The following NRG2 variants were observed in gnomAD, a reference collection of about 807,000 sequenced individuals.
The protein encoded by NRG2 is pro-neuregulin-2, membrane-bound isoform.
A neutral mutation model predicts 73.9 loss-of-function variants in NRG2; 27 were observed. The observed-to-expected ratio is 0.37, with a 90% CI of 0.27 to 0.50. The LOEUF is 0.50. Among genes scored for constraint, NRG2 ranks in the 20% least tolerant of loss-of-function variants. The pLI, the probability that NRG2 is intolerant of heterozygous loss-of-function variation, is 0.96. For synonymous variants in NRG2, 532 were observed against 541.0 expected (o/e 0.98, Z 0.23); for missense variants, 1,126 against 1,210.1 (o/e 0.93, Z 1.03).
At chr5:139,942,260 C>G (rs923774349) in intron 1 of NRG2, among the ~76,000 whole-genome samples, 1 of 152,180 alleles carries the variant, frequency 6.6e-6, no homozygotes, top group Non-Finnish European at 1.5e-5. Flanking sequence ...GTTGACACCA[C>G]TGGTTCAATA....
chr5:139,865,279 CCGT>C lies in NRG2; in HGVS notation c.1189+267_1189+269del, dbSNP rs1201507000. 14 of 952,380 alleles carry C rather than the reference CCGT, an allele frequency of 1.5e-5. No individual in the cohort carries two copies. Among genetic ancestry groups the C allele is most frequent in the Non-Finnish European group, 2.4e-5 (14 of 591,290 alleles). The allele number at this position is 952,380 out of a possible 1,614,324, so 59.0% of individuals were successfully genotyped here. A position where few individuals can be genotyped will look rare whatever the true frequency, so the allele number is the denominator to read the frequency against. Reference sequence around the variant, plus strand: ...CCAATGCCAGCTGGGTTCCTTGCCACCGTTACCATTTGTATTGGCCTTGCCACT... The same window carrying C: ...CCAATGCCAGCTGGGTTCCTTGCCACTACCATTTGTATTGGCCTTGCCACT... On this transcript the variant is annotated intron_variant, in intron 5 of 9. Coordinates refer to ENST00000361474, the MANE Select transcript of NRG2 (RefSeq NM_004883.3). The surrounding 1 kb of genome is among the most constrained non-coding windows in gnomAD (Gnocchi z 5.2).
At chr5:140,006,074 AG>A (rs138526357) in intron 1 of NRG2, among the ~76,000 whole-genome samples, 479 of 152,316 alleles carry the variant, frequency 3.1e-3, no homozygotes, top group Non-Finnish European at 5.8e-3. Context: ...CTGGGGCAAA[AG>A]AAAGCATTAA....
chr5:139,976,262 A>G (rs1446157892), intron 1 of NRG2, among the ~76,000 whole-genome samples: 1 of 152,228 alleles, frequency 6.6e-6, no homozygotes, highest in Non-Finnish European at 1.5e-5. Flanking sequence ...AATTCTTTGT[A>G]TAAGGCTTGT....
intron 1 of NRG2, among the ~76,000 whole-genome samples, chr5:139,966,804 GA>G (rs1247595770): frequency 6.6e-6 from 1 of 152,102 alleles, no homozygotes. Context: ...AAAGGTAAAA[GA>G]ATCTAAGCTT....
intron 1 of NRG2, among the ~76,000 whole-genome samples, chr5:140,012,540 C>T (rs939038854): frequency 3.9e-5 from 6 of 152,202 alleles, no homozygotes; most frequent in Non-Finnish European, 7.3e-5. Context: ...CTCTCATGCT[C>T]ATTCATACTT....
At position 140,027,151 on chromosome 5, in the gene NRG2, C is replaced by A. The variant is rs570789111; in HGVS notation, c.700+15219G>T. On this transcript the variant is annotated intron_variant, in intron 1 of 9. Coordinates refer to ENST00000361474, the MANE Select transcript of NRG2 (RefSeq NM_004883.3). Reference sequence around the variant, plus strand: ...ATGCTCCACTATGCCTGGCTAATTTCAAAAAAAAAAATTGTAGAGATGAGG... The same window carrying A: ...ATGCTCCACTATGCCTGGCTAATTTAAAAAAAAAAAATTGTAGAGATGAGG... Among the ~76,000 whole-genome samples, 10 of 146,622 alleles carry A rather than the reference C, an allele frequency of 6.8e-5. 1 individual carries two copies. The South Asian group carries it at 2.1e-3, about 31-fold the overall frequency.
chr5:139,958,768 G>A (rs1754833503), intron 1 of NRG2, among the ~76,000 whole-genome samples: 1 of 152,094 alleles, frequency 6.6e-6, no homozygotes, highest in Non-Finnish European at 1.5e-5. Flanking sequence ...TGCCACCCCT[G>A]TCCACCACTC....
chr5:139,901,620 T>C (rs997399934), intron 1 of NRG2, among the ~76,000 whole-genome samples: 8 of 152,354 alleles, frequency 5.3e-5, no homozygotes, highest in African/African-American at 1.9e-4. Flanking sequence ...GATTTATCTG[T>C]GTCCAGGGAA....
At chr5:139,992,652 A>G (rs1757722365) in intron 1 of NRG2, among the ~76,000 whole-genome samples, 1 of 152,218 alleles carries the variant, frequency 6.6e-6, no homozygotes, top group African/African-American at 2.4e-5. Context: ...ATTAGAAAAA[A>G]CCTTTTTCAT....
chr5:140,024,627 C>G (rs1337333859), intron 1 of NRG2, among the ~76,000 whole-genome samples: 1 of 152,162 alleles, frequency 6.6e-6, no homozygotes, highest in Non-Finnish European at 1.5e-5. Flanking sequence ...TTGATCAACT[C>G]TTCATCATTT....
intron 1 of NRG2, among the ~76,000 whole-genome samples, chr5:139,938,175 CTAAGCTG>C (rs1280648064): frequency 6.6e-6 from 1 of 152,178 alleles, no homozygotes; most frequent in African/African-American, 2.4e-5. Context: ...AGACTCAATA[CTAAGCTG>C]TAACTTTTCT....
Position 139,852,073 on chromosome 5 carries a change from C to T in NRG2, c.1545-242G>A, listed in dbSNP as rs1761472384. On this transcript the variant is annotated intron_variant, in intron 8 of 9. Transcript: ENST00000361474. This position sits in a 1 kb window ranked among gnomAD's most constrained non-coding sequence, Gnocchi z 4.4. Reference sequence around the variant, plus strand: ...CAGAGACCCATTTCTTTCCTTCCTGCAACCAGCCTCCCCCCAGCCTTACCT... The same window carrying T: ...CAGAGACCCATTTCTTTCCTTCCTGTAACCAGCCTCCCCCCAGCCTTACCT... Among the ~76,000 whole-genome samples, 1 of 152,206 alleles carries T rather than the reference C, an allele frequency of 6.6e-6. No homozygotes were observed. Among genetic ancestry groups the T allele is most frequent in the South Asian group, 2.1e-4 (1 of 4,822 alleles).
At chr5:139,858,530 G>A (rs1387214367) in intron 5 of NRG2, among the ~76,000 whole-genome samples, 2 of 152,220 alleles carry the variant, frequency 1.3e-5, no homozygotes, top group African/African-American at 4.8e-5. Context: ...GCCCAGGAGG[G>A]CAGGGACTGT....
intron 1 of NRG2, among the ~76,000 whole-genome samples, chr5:139,891,986 C>T (rs1764238705): frequency 6.6e-6 from 1 of 152,198 alleles, no homozygotes; most frequent in Non-Finnish European, 1.5e-5. Context: ...TTTTATAGCT[C>T]TTAACGGTTC....
At chr5:139,917,877 A>C (rs1751382381) in intron 1 of NRG2, among the ~76,000 whole-genome samples, 1 of 152,198 alleles carries the variant, frequency 6.6e-6, no homozygotes, top group Non-Finnish European at 1.5e-5. Flanking sequence ...TTTGAAATGC[A>C]ACATTTTTTA....
chr5:139,943,845 TA>T (rs1283271133), intron 1 of NRG2, among the ~76,000 whole-genome samples: 1 of 152,214 alleles, frequency 6.6e-6, no homozygotes, highest in African/African-American at 2.4e-5. Flanking sequence ...GGGAGTGTCA[TA>T]TACAATTTTT....
chr5:140,012,919 G>C (rs950389132), intron 1 of NRG2, among the ~76,000 whole-genome samples: 6 of 152,136 alleles, frequency 3.9e-5, no homozygotes, highest in Non-Finnish European at 5.9e-5. Context: ...CAATCACCTA[G>C]ACTGGTCTCA....
intron 1 of NRG2, among the ~76,000 whole-genome samples, chr5:139,977,958 G>T (rs1448246098): frequency 1.3e-5 from 2 of 152,156 alleles, no homozygotes; most frequent in Non-Finnish European, 2.9e-5. Flanking sequence ...ATGGATTAAA[G>T]ACTTAAATGT....
At chr5:139,973,156 CAAAAA>C (rs58053481) in intron 1 of NRG2, among the ~76,000 whole-genome samples, 12,366 of 89,556 alleles carry the variant, frequency 0.14, 505 homozygotes, top group South Asian at 0.22. Flanking sequence ...TAAGAATATG[CAAAAA>C]AAAAAAAAAA....
Sources: gnomAD v4.1 joint callset for allele counts (sites outside exome capture counted in the v4.1 genomes callset) on GRCh38, gnomAD v4.1.1 for gene constraint, Gnocchi (gnomAD v3.1) non-coding constraint, MANE v1.5 for transcripts, NCBI Gene and HGNC (gene_info 2026-07-23, HGNC 2026-07-21) for gene names.